DYNC2H1: variants seen among roughly 807,000 people sequenced by gnomAD.
The protein encoded by DYNC2H1 is dynein cytoplasmic 2 heavy chain 1, also known as cytoplasmic dynein 2 heavy chain 1.
In DYNC2H1, 410 loss-of-function variants were observed where a neutral mutation model predicts 570.0. The ratio of observed to expected loss-of-function variants is 0.72; its 90% CI spans 0.66 to 0.78. DYNC2H1 has a LOEUF of 0.78. DYNC2H1 is among the 30% of genes least tolerant of loss of function. The probability of loss-of-function intolerance (pLI) is 0.00; values close to 1 mark genes in which losing one functional copy is unlikely to be tolerated. For synonymous variants in DYNC2H1, 1,688 were observed against 1,677.6 expected, an observed-to-expected ratio of 1.01 and a Z score of -0.15; for missense variants, 4,865 against 5,046.4, an observed-to-expected ratio of 0.96 and a Z score of 1.09.
Position 103,155,522 on chromosome 11 carries a change from T to C in DYNC2H1, c.3744+21T>C, listed in dbSNP as rs377684948. On this transcript the variant is annotated intron_variant, in intron 25 of 88. Transcript: ENST00000375735. Reference sequence around the variant, plus strand: ...TTAAAGTATGAATCACTTTTATAAATATCCCATAAGTCTGGCCTTTTTTAA... The same window carrying C: ...TTAAAGTATGAATCACTTTTATAAACATCCCATAAGTCTGGCCTTTTTTAA... 9 of 1,593,906 alleles carry C rather than the reference T, an allele frequency of 5.6e-6. No homozygotes were observed. In the African/African-American group the frequency reaches 1.1e-4, roughly 19 times the overall value.
intron 73 of DYNC2H1, 28 bp downstream of exon 73, chr11:103,283,113 T>C: frequency 2.6e-6 from 4 of 1,553,234 alleles, no homozygotes; most frequent in Non-Finnish European, 3.5e-6. Flanking sequence ...TGAGACATGT[T>C]TTAATTTCTT....
At chr11:103,374,388 C>T (rs1440979653) in intron 83 of DYNC2H1, among the ~76,000 whole-genome samples, 1 of 152,112 alleles carries the variant, frequency 6.6e-6, no homozygotes, top group Non-Finnish European at 1.5e-5. Flanking sequence ...GGTGTTTTCT[C>T]ATAGCAATGT....
rs567117571 is a variant in DYNC2H1 at position 103,472,311 on chromosome 11, G to A, written c.12765+3606G>A. 6.6e-6 allele frequency among the ~76,000 whole-genome samples: 1 copy of A among 151,996 alleles called. No homozygotes were observed. Among genetic ancestry groups the A allele is most frequent in the Non-Finnish European group, 1.5e-5 (1 of 67,976 alleles). On this transcript the variant is annotated intron_variant, in intron 88 of 88. Transcript: ENST00000375735. The surrounding 1 kb of genome is among the most constrained non-coding windows in gnomAD (Gnocchi z 4.1). Reference sequence around the variant, plus strand: ...AGGCCAAGGCAGGAGAATCACTTGAGCCCAGGAGTTAGAGCCTGGCTTGGG... The same window carrying A: ...AGGCCAAGGCAGGAGAATCACTTGAACCCAGGAGTTAGAGCCTGGCTTGGG...
intron 44 of DYNC2H1, among the ~76,000 whole-genome samples, chr11:103,188,863 A>G (rs937169279): frequency 4.6e-5 from 7 of 152,128 alleles, no homozygotes; most frequent in African/African-American, 1.7e-4. Context: ...TATGTTTAAC[A>G]GGAAATAAAA....
intron 12 of DYNC2H1, among the ~76,000 whole-genome samples, chr11:103,127,882 G>A (rs1005378927): frequency 6.6e-6 from 1 of 152,252 alleles, no homozygotes; most frequent in Admixed American, 6.5e-5. Context: ...GTGTTAGGCA[G>A]TGATAGTGAT....
intron 87 of DYNC2H1, among the ~76,000 whole-genome samples, chr11:103,457,780 A>G (rs1406117752): frequency 6.6e-6 from 1 of 152,176 alleles, no homozygotes; most frequent in Non-Finnish European, 1.5e-5. Flanking sequence ...TGGCCTGACT[A>G]TAGTTCTTTA....
intron 84 of DYNC2H1, chr11:103,405,694 A>G (rs1942835554): frequency 6.6e-6 from 1 of 152,002 alleles, no homozygotes; most frequent in Non-Finnish European, 1.5e-5. Flanking sequence ...ACCATCTCCT[A>G]GCAGAGTTCC....
chr11:103,282,262 TAAAG>T lies in DYNC2H1; in HGVS notation c.10812+37_10812+40del, dbSNP rs762691994. 4 of 1,595,452 alleles carry T rather than the reference TAAAG, an allele frequency of 2.5e-6. No individual in the cohort carries two copies. In the South Asian group the frequency reaches 3.4e-5, roughly 14 times the overall value. Reference sequence around the variant, plus strand: ...AAAATAACAAAATCTATTTTGCTCTTAAAGAAAATATTTCTGGCTTTTTGTTCAT... The same window carrying T: ...AAAATAACAAAATCTATTTTGCTCTTAAAATATTTCTGGCTTTTTGTTCAT... On this transcript the variant is annotated intron_variant, in intron 72 of 88. Transcript: ENST00000375735.
chr11:103,199,532 T>A lies in DYNC2H1; in HGVS notation c.8088+56T>A. 1.4e-6 allele frequency: 2 copies of A among 1,413,530 alleles called. No homozygotes were observed. Among genetic ancestry groups the A allele is most frequent in the Non-Finnish European group, 1.9e-6 (2 of 1,079,502 alleles). 87.6% of individuals were successfully genotyped at this position (1,413,530 alleles called of 1,614,324 possible). A position where few individuals can be genotyped will look rare whatever the true frequency, so the allele number is the denominator to read the frequency against. ...GGTTTTAAATTACATTGGTTATTACTCTAAACATCTTTAAAGACCTAAAGG... is the reference window on the plus strand; with the variant it reads ...GGTTTTAAATTACATTGGTTATTACACTAAACATCTTTAAAGACCTAAAGG... On this transcript the variant is annotated intron_variant, in intron 49 of 88. Coordinates refer to ENST00000375735, the MANE Select transcript of DYNC2H1 (RefSeq NM_001377.3). The surrounding 1 kb of genome is among the most constrained non-coding windows in gnomAD (Gnocchi z 4.6).
intron 17 of DYNC2H1, 61 bp downstream of exon 17, chr11:103,136,009 A>C: frequency 7.4e-7 from 1 of 1,344,274 alleles, no homozygotes; most frequent in Non-Finnish European, 1.0e-6. Context: ...GATTGAATTT[A>C]CATTAAATGT....
intron 71 of DYNC2H1, 158 bp from the exon 72 acceptor site, chr11:103,282,021 A>G (rs919308971): frequency 1.8e-6 from 1 of 560,242 alleles, no homozygotes. Flanking sequence ...ACATTAATTC[A>G]TTCTTGATAA....
intron 45 of DYNC2H1, among the ~76,000 whole-genome samples, chr11:103,191,138 C>G (rs1428334755): frequency 6.7e-6 from 1 of 149,534 alleles, no homozygotes; most frequent in Non-Finnish European, 1.5e-5. Context: ...CTCCTTGGTT[C>G]AAGTGATTCT....
intron 75 of DYNC2H1, among the ~76,000 whole-genome samples, chr11:103,296,341 G>T (rs1866825146): frequency 6.6e-6 from 1 of 152,292 alleles, no homozygotes; most frequent in African/African-American, 2.4e-5. Context: ...AAAGATGCTG[G>T]TGTCCATGTT....
At chr11:103,176,771 TCTCGG>T (rs1434146345) in intron 37 of DYNC2H1, among the ~76,000 whole-genome samples, 1 of 151,744 alleles carries the variant, frequency 6.6e-6, no homozygotes, top group Non-Finnish European at 1.5e-5. Context: ...GGTGGTGTGA[TCTCGG>T]CCCACAGCAA....
chr11:103,427,737 C>A (rs1188496854), intron 84 of DYNC2H1, among the ~76,000 whole-genome samples: 1 of 152,112 alleles, frequency 6.6e-6, no homozygotes, highest in Non-Finnish European at 1.5e-5. Flanking sequence ...CCACGAGGGG[C>A]TGCTCCATTC....
Position 103,257,629 on chromosome 11 carries a change from C to G in DYNC2H1, c.10483C>G (p.Leu3495Val). 6.2e-7 allele frequency: 1 copy of G among 1,612,536 alleles called. No individual in the cohort carries two copies. Among genetic ancestry groups the G allele is most frequent in the Non-Finnish European group, 8.5e-7 (1 of 1,179,026 alleles). The change falls in exon 69 of 89, where the codon CTG becomes GTG. Residue 3495 changes from leucine (L) to valine (V), a missense_variant. Leu to Val is a conservative substitution (Grantham distance 32, BLOSUM62 1). Transcript: ENST00000375735. ...LDQERDAYLPLAESASKMYFI... is the reference protein window; with the variant it reads ...LDQERDAYLPVAESASKMYFI... Reference sequence around the variant, plus strand: ...ATAGGAACGGGATGCCTATCTCCCCCTGGCTGAGAGTGCCAGCAAGATGTA... The same window carrying G: ...ATAGGAACGGGATGCCTATCTCCCCGTGGCTGAGAGTGCCAGCAAGATGTA...
At chr11:103,147,457 A>T (rs2134850026) in intron 18 of DYNC2H1, among the ~76,000 whole-genome samples, 1 of 152,278 alleles carries the variant, frequency 6.6e-6, no homozygotes, top group South Asian at 2.1e-4. Flanking sequence ...TGCTGTGACA[A>T]GAGAAGCTCA....
chr11:103,417,286 G>A (rs552249813), intron 84 of DYNC2H1, among the ~76,000 whole-genome samples: 3 of 150,858 alleles, frequency 2.0e-5, no homozygotes, highest in East Asian at 2.0e-4. Flanking sequence ...CACCATGTTG[G>A]TCAGGGGGGT....
intron 81 of DYNC2H1, among the ~76,000 whole-genome samples, chr11:103,322,566 G>A (rs961912077): frequency 6.6e-6 from 1 of 151,824 alleles, no homozygotes; most frequent in South Asian, 2.1e-4. Context: ...ATATCACGTG[G>A]TATATATATA....
Sources: gnomAD v4.1 joint callset for allele counts (sites outside exome capture counted in the v4.1 genomes callset) on GRCh38, gnomAD v4.1.1 for gene constraint, Gnocchi (gnomAD v3.1) non-coding constraint, MANE v1.5 for transcripts, NCBI Gene and HGNC (gene_info 2026-07-23, HGNC 2026-07-21) for gene names.